KIRREL3: variants seen among roughly 807,000 people sequenced by gnomAD.
KIRREL3 encodes kirre like nephrin family adhesion molecule 3, also known as kin of IRRE-like protein 3.
KIRREL3 carries 36 observed loss-of-function variants against 89.7 expected under a neutral mutation model. That is an observed-to-expected ratio of 0.40 (90% CI 0.31 to 0.53). KIRREL3 has a LOEUF of 0.53. KIRREL3 is among the 20% of genes least tolerant of loss of function. The pLI, the probability that KIRREL3 is intolerant of heterozygous loss-of-function variation, is 0.49. For missense variants in KIRREL3, 864 were observed against 1,056.6 expected (o/e 0.82, Z 2.53); for synonymous variants, 445 against 441.4 (o/e 1.01, Z -0.10).
At chr11:126,435,333 C>T (rs1171061468) in intron 12 of KIRREL3, 30 bp from the exon 13 acceptor site, 7 of 1,613,444 alleles carry the variant, frequency 4.3e-6, no homozygotes, top group South Asian at 1.1e-5. Context: ...GCGTCTACAG[C>T]CAGGGCCTGG....
intron 1 of KIRREL3, among the ~76,000 whole-genome samples, chr11:126,902,918 G>C (rs1417142189): frequency 6.6e-6 from 1 of 152,088 alleles, no homozygotes; most frequent in South Asian, 2.1e-4. Context: ...CAGAGATCCA[G>C]ATAGCAAAAT....
rs1286562473 is a variant in KIRREL3 at position 126,978,652 on chromosome 11, T to C, written c.55+21803A>G. On this transcript the variant is annotated intron_variant, in intron 1 of 16. Transcript: ENST00000525144. This position sits in a 1 kb window ranked among gnomAD's most constrained non-coding sequence, Gnocchi z 4.2. ...CTTCCCAGGCTTTAGCACCTGCTACTCCCTCTTCTCCTCATCCCGCTCTCT... is the reference window on the plus strand; with the variant it reads ...CTTCCCAGGCTTTAGCACCTGCTACCCCCTCTTCTCCTCATCCCGCTCTCT... 6.6e-6 allele frequency among the ~76,000 whole-genome samples: 1 copy of C among 152,118 alleles called. No homozygotes were observed. Among genetic ancestry groups the C allele is most frequent in the Non-Finnish European group, 1.5e-5 (1 of 68,024 alleles).
intron 1 of KIRREL3, among the ~76,000 whole-genome samples, chr11:126,938,947 A>C (rs1311156107): frequency 1.3e-5 from 2 of 152,156 alleles, no homozygotes; most frequent in Non-Finnish European, 2.9e-5. Context: ...ATGAGACAGG[A>C]GTCTCTAGGT....
chr11:126,632,133 A>G (rs1224378629), intron 1 of KIRREL3, among the ~76,000 whole-genome samples: 1 of 152,258 alleles, frequency 6.6e-6, no homozygotes, highest in African/African-American at 2.4e-5. Flanking sequence ...CAAGAATCTG[A>G]ATTTCCAATA....
chr11:126,961,312 T>C (rs1201207266), intron 1 of KIRREL3, among the ~76,000 whole-genome samples: 2 of 152,188 alleles, frequency 1.3e-5, no homozygotes, highest in Non-Finnish European at 2.9e-5. Flanking sequence ...AGCCAAGTTG[T>C]GAATGCAATG....
rs1939412317 is a variant in KIRREL3 at position 126,553,045 on chromosome 11, T to A, written c.133+9790A>T. 6.6e-6 allele frequency among the ~76,000 whole-genome samples: 1 copy of A among 152,340 alleles called. No homozygotes were observed. Among genetic ancestry groups the A allele is most frequent in the East Asian group, 1.9e-4 (1 of 5,182 alleles). On this transcript the variant is annotated intron_variant, in intron 2 of 16. Transcript: ENST00000525144. This position sits in a 1 kb window ranked among gnomAD's most constrained non-coding sequence, Gnocchi z 4.7. ...GGGGACACTAGTACCACTCATGGTG[T>A]GTGTGAGCACACTCGTGAAGGCGTG...
At chr11:126,577,694 G>A (rs1476294582) in intron 1 of KIRREL3, among the ~76,000 whole-genome samples, 6 of 151,704 alleles carry the variant, frequency 4.0e-5, no homozygotes, top group South Asian at 4.2e-4. Context: ...CCCGGGAAGC[G>A]GAGGTTGCAG....
chr11:126,936,259 G>A (rs147295108), intron 1 of KIRREL3: 135 of 152,286 alleles, frequency 8.9e-4, no homozygotes, highest in African/African-American at 3.2e-3. Context: ...TGGTAAGGAT[G>A]TAAATAAACT....
At chr11:126,457,264 CATGT>C (rs1565470506) in intron 6 of KIRREL3, among the ~76,000 whole-genome samples, 2 of 104,884 alleles carry the variant, frequency 1.9e-5, no homozygotes, top group African/African-American at 3.3e-5. Flanking sequence ...TGTGTGTATG[CATGT>C]GTGTGTATGC....
chr11:126,793,673 C>T (rs546026099), intron 1 of KIRREL3, among the ~76,000 whole-genome samples: 21 of 152,274 alleles, frequency 1.4e-4, no homozygotes, highest in African/African-American at 5.1e-4. Flanking sequence ...ATTTGAGAGA[C>T]TAAACTATTT....
At chr11:126,759,533 T>C (rs1259266526) in intron 1 of KIRREL3, among the ~76,000 whole-genome samples, 1 of 152,248 alleles carries the variant, frequency 6.6e-6, no homozygotes, top group Non-Finnish European at 1.5e-5. Flanking sequence ...TTTTTACTGA[T>C]GGATGTTAGT....
intron 1 of KIRREL3, among the ~76,000 whole-genome samples, chr11:126,865,723 A>G (rs1187348637): frequency 6.6e-6 from 1 of 152,242 alleles, no homozygotes; most frequent in Non-Finnish European, 1.5e-5. Flanking sequence ...AATTTAAGGA[A>G]TGAGAGCAGG....
rs967313611 is a variant in KIRREL3 at position 126,739,050 on chromosome 11, G to A, written c.56-176138C>T. Among the ~76,000 whole-genome samples the A allele has an allele frequency of 6.6e-6, 1 of 152,212 alleles. No homozygotes were observed. The highest frequency in any genetic ancestry group is 2.4e-5 in the African/African-American group (1 of 41,538). On this transcript the variant is annotated intron_variant, in intron 1 of 16. Coordinates refer to ENST00000525144, the MANE Select transcript of KIRREL3 (RefSeq NM_032531.4). This position sits in a 1 kb window ranked among gnomAD's most constrained non-coding sequence, Gnocchi z 5.5. Reference sequence around the variant, plus strand: ...AAAGGCGGGTATATATGATACAAACGGTACAAATGAAGAAACTGGCTTTCA... The same window carrying A: ...AAAGGCGGGTATATATGATACAAACAGTACAAATGAAGAAACTGGCTTTCA...
At chr11:126,886,799 G>A (rs1945713594) in intron 1 of KIRREL3, among the ~76,000 whole-genome samples, 1 of 152,156 alleles carries the variant, frequency 6.6e-6, no homozygotes, top group Non-Finnish European at 1.5e-5. Context: ...GGGTTAGATT[G>A]TCTTTTGAAT....
intron 1 of KIRREL3, chr11:126,936,781 C>T (rs1317850749): frequency 6.6e-6 from 1 of 152,164 alleles, no homozygotes; most frequent in African/African-American, 2.4e-5. Context: ...TGCAAATGGG[C>T]ATGAGGGATC....
In KIRREL3 at chr11:126,676,226, G is replaced by A. The variant is rs945669050; in HGVS notation, c.56-113314C>T. The stretch of plus-strand genomic sequence containing the variant: ...CATCAAGGTGCTAGTAACTATCACG[G>A]GCAAAGATGAAATCAGCTAGGAAAG... On this transcript the variant is annotated intron_variant, in intron 1 of 16. Transcript: ENST00000525144. The surrounding 1 kb of genome is among the most constrained non-coding windows in gnomAD (Gnocchi z 4.5). 1.3e-5 allele frequency among the ~76,000 whole-genome samples: 2 copies of A among 152,096 alleles called. No homozygotes were observed. Among genetic ancestry groups the A allele is most frequent in the Non-Finnish European group, 2.9e-5 (2 of 68,006 alleles).
intron 2 of KIRREL3, among the ~76,000 whole-genome samples, chr11:126,532,728 GT>G (rs1470690811): frequency 6.6e-6 from 1 of 152,050 alleles, no homozygotes; most frequent in Non-Finnish European, 1.5e-5. Context: ...TGATTTCTTG[GT>G]TTTTCCCTCA....
intron 4 of KIRREL3, among the ~76,000 whole-genome samples, chr11:126,507,318 C>A (rs964588097): frequency 6.6e-6 from 1 of 152,004 alleles, no homozygotes; most frequent in African/African-American, 2.4e-5. Context: ...GAGTTGTACA[C>A]TTAAAATGGA....
Position 126,495,446 on chromosome 11 carries a change from G to C in KIRREL3, c.434-21980C>G, listed in dbSNP as rs1453106450. Among the ~76,000 whole-genome samples the C allele has an allele frequency of 6.6e-6, 1 of 152,036 alleles. No homozygotes were observed. Among genetic ancestry groups the C allele is most frequent in the African/African-American group, 2.4e-5 (1 of 41,382 alleles). ...CTGCTTTCTCCCCAAAGCCTCCCTC[G>C]ACTGTCTGTGTTCCTCGTCTCCGCT... is the stretch of plus-strand genomic sequence containing the variant. On this transcript the variant is annotated intron_variant, in intron 4 of 16. Transcript: ENST00000525144. The surrounding 1 kb of genome is among the most constrained non-coding windows in gnomAD (Gnocchi z 6.5).
Sources: allele counts gnomAD v4.1 joint callset (sites outside exome capture counted in the v4.1 genomes callset), GRCh38; gene constraint gnomAD v4.1.1; non-coding constraint Gnocchi (gnomAD v3.1); transcripts MANE v1.5; gene names NCBI Gene and HGNC (gene_info 2026-07-23, HGNC 2026-07-21).